Variants in SUCO observed in about 807,000 individuals in gnomAD.
SUCO encodes the protein SUN domain containing ossification factor.
Under a neutral mutation model 148.1 loss-of-function variants are expected in SUCO, and 57 were observed. The ratio of observed to expected loss-of-function variants is 0.38; its 90% confidence interval spans 0.31 to 0.48. The LOEUF is 0.48. SUCO is among the 20% of genes least tolerant of loss of function. The pLI, the probability that SUCO is intolerant of heterozygous loss-of-function variation, is 0.96. For synonymous variants in SUCO, 470 were observed against 502.7 expected, an observed-to-expected ratio of 0.93 and a Z score of 0.87; for missense variants, 1,331 against 1,468.2, an observed-to-expected ratio of 0.91 and a Z score of 1.53.
At position 172,553,261 on chromosome 1, in the gene SUCO, A is replaced by T; in HGVS notation, c.179A>T (p.Asp60Val). 1 of 1,582,970 alleles carries T rather than the reference A, an allele frequency of 6.3e-7. No individual in the cohort carries two copies. Among genetic ancestry groups the T allele is most frequent in the Non-Finnish European group, 8.6e-7 (1 of 1,161,444 alleles). Residue 60 changes from aspartate to valine, a missense_variant and splice_region_variant, in exon 3 of 24, where the codon GAT (aspartate) becomes GTT (valine). Asp to Val is a radical substitution (Grantham distance 152). Transcript: ENST00000263688. ...ENEDVQFQKK[D>V]EREGPINAES... ...ATTTTTGTTGTTGTTGTTATATAGG[A>T]TGAAAGAGAGGGACCTATCAATGCC... is the stretch of plus-strand genomic sequence containing the variant.
Position 172,570,034 on chromosome 1 carries a change from G to T in SUCO, c.857-13G>T. The stretch of plus-strand genomic sequence containing the variant: ...TATATATATAAATATTTATAATAAC[G>T]GTTTGTCTGCAGGTCAGTCGATGCA... On this transcript the variant is annotated splice_polypyrimidine_tract_variant and intron_variant, in intron 7 of 23. Transcript: ENST00000263688. The T allele has an allele frequency of 7.1e-7, 1 of 1,407,438 alleles. No individual in the cohort carries two copies. The highest frequency in any genetic ancestry group is 9.3e-7 in the Non-Finnish European group (1 of 1,073,960). 87.2% of individuals were successfully genotyped at this position (1,407,438 alleles called of 1,614,324 possible).
intron 17 of SUCO, among the ~76,000 whole-genome samples, chr1:172,587,461 T>C (rs1319705952): frequency 6.6e-6 from 1 of 152,102 alleles, no homozygotes; most frequent in Non-Finnish European, 1.5e-5. Context: ...TTTTACCAAA[T>C]TCAATATAAT....
chr1:172,570,630 A>G, intron 8 of SUCO, 33 bp from the exon 9 acceptor site: 1 of 1,349,836 alleles, frequency 7.4e-7, no homozygotes, highest in Admixed American at 1.8e-5. Context: ...TTATTCCTTA[A>G]GTAATTTGTT....
chr1:172,578,776 C>T (rs921546768), intron 14 of SUCO, among the ~76,000 whole-genome samples: 2 of 151,984 alleles, frequency 1.3e-5, no homozygotes, highest in African/African-American at 4.8e-5. Flanking sequence ...TCCTGTGAGC[C>T]ATTGAGAAAT....
Position 172,600,083 on chromosome 1 carries a change from C to T in SUCO, c.2933C>T (p.Ala978Val). ...TCATAGGATCAGCGGCAAACTGAAG[C>T]CATCCAGTTGCTACAGGCACAGCTG... ...AEEQDQRQTE[A>V]IQLLQAQLTN... The change falls in exon 20 of 24, where the codon GCC (alanine) becomes GTC (valine). Residue 978 changes from alanine to valine, a missense_variant. By Grantham distance (64) the Ala-to-Val change is moderately conservative. This residue lies in a region of SUCO where 334 missense variants were observed against 352.3 expected (regional missense o/e 0.95). Transcript: ENST00000263688. The T allele has an allele frequency of 3.1e-6, 5 of 1,604,006 alleles. No individual in the cohort carries two copies. The highest frequency in any genetic ancestry group is 1.1e-5 in the South Asian group (1 of 88,524).
chr1:172,535,482 G>A (rs997160017), intron 1 of SUCO, among the ~76,000 whole-genome samples: 1 of 152,156 alleles, frequency 6.6e-6, no homozygotes, highest in African/African-American at 2.4e-5. Context: ...CAAAGGGTAT[G>A]TTTTTTCTTT....
At chr1:172,551,456 C>G in intron 1 of SUCO, 56 bp from the exon 2 acceptor site, 6 of 1,166,986 alleles carry the variant, frequency 5.1e-6, no homozygotes, top group Non-Finnish European at 7.4e-6. Context: ...AACAACTTTT[C>G]TTCTTTCTTT....
At chr1:172,564,122 T>C (rs2149240525) in intron 6 of SUCO, among the ~76,000 whole-genome samples, 1 of 152,350 alleles carries the variant, frequency 6.6e-6, no homozygotes, top group East Asian at 1.9e-4. Context: ...TGTCTGGATG[T>C]CCAGGCAGAA....
chr1:172,551,484 T>G, intron 1 of SUCO, 28 bp from the exon 2 acceptor site: 7 of 1,352,574 alleles, frequency 5.2e-6, no homozygotes, highest in Non-Finnish European at 7.2e-6. Context: ...TCTTTTTCTG[T>G]TTGTTGGTGG....
intron 7 of SUCO, 171 bp from the exon 8 acceptor site, chr1:172,569,876 G>A (rs1369015126): frequency 3.2e-6 from 1 of 310,804 alleles, no homozygotes; most frequent in East Asian, 1.7e-4. Flanking sequence ...AAGCTATTGA[G>A]GTGGAGCACT....
Position 172,551,730 on chromosome 1 carries a change from T to C in SUCO, c.177+104T>C, listed in dbSNP as rs765219307. On this transcript the variant is annotated intron_variant, in intron 2 of 23. Coordinates refer to ENST00000263688, the MANE Select transcript of SUCO (RefSeq NM_014283.5). ...TTTCAAAAATGCCATGCCATAATTTTTGGTGGAGATTCGTATTTTTCTTTG... is the reference window on the plus strand; with the variant it reads ...TTTCAAAAATGCCATGCCATAATTTCTGGTGGAGATTCGTATTTTTCTTTG... The C allele has an allele frequency of 4.3e-6, 3 of 693,046 alleles. No individual in the cohort carries two copies. The South Asian group carries it at 6.0e-5, about 14-fold the overall frequency. 42.9% of individuals were successfully genotyped at this position (693,046 alleles called of 1,614,324 possible).
chr1:172,544,128 A>C (rs1652696953), intron 1 of SUCO: 1 of 970,884 alleles, frequency 1.0e-6, no homozygotes, highest in African/African-American at 1.8e-5. Context: ...TACAATTTTC[A>C]CTGATAACTT....
chr1:172,604,117 A>G (rs538057931), intron 22 of SUCO, among the ~76,000 whole-genome samples: 5 of 151,950 alleles, frequency 3.3e-5, no homozygotes, highest in Non-Finnish European at 7.4e-5. Flanking sequence ...TATTCTAAAC[A>G]TTCCTTATTT....
At chr1:172,533,658 C>G (rs1458867800) in intron 1 of SUCO, among the ~76,000 whole-genome samples, 161 bp downstream of exon 1, 3 of 152,162 alleles carry the variant, frequency 2.0e-5, no homozygotes, top group African/African-American at 7.2e-5. Flanking sequence ...TCTGACTGGT[C>G]TGGTAGTGCT....
rs189990497 is a variant in SUCO at position 172,550,782 on chromosome 1, T to C, written c.63-730T>C. On this transcript the variant is annotated intron_variant, in intron 1 of 23. Coordinates refer to ENST00000263688, the MANE Select transcript of SUCO (RefSeq NM_014283.5). ...TGTTTCATTATTGATTCTTAAAACA[T>C]TGATGGATGTATAAGTTTATCAGAT... 1.7e-4 allele frequency: 52 copies of C among 305,932 alleles called. No homozygotes were observed. In the Admixed American group the frequency reaches 1.9e-3, roughly 11 times the overall value. 19.0% of individuals were successfully genotyped at this position (305,932 alleles called of 1,614,324 possible). A position where few individuals can be genotyped will look rare whatever the true frequency, so the allele number is the denominator to read the frequency against.
chr1:172,552,050 A>G (rs1653346004), intron 2 of SUCO: 1 of 152,196 alleles, frequency 6.6e-6, no homozygotes, highest in Non-Finnish European at 1.5e-5. Flanking sequence ...ACTCCAAAAA[A>G]CCTCATGGTC....
upstream of SUCO, chr1:172,532,976 C>A: frequency 3.6e-6 from 5 of 1,378,888 alleles, no homozygotes; most frequent in South Asian, 7.6e-5. Context: ...GCGTGGCCTG[C>A]GCAGAGGCTG....
intron 1 of SUCO, among the ~76,000 whole-genome samples, chr1:172,545,990 A>G (rs1458227610): frequency 6.6e-6 from 1 of 151,626 alleles, no homozygotes; most frequent in Non-Finnish European, 1.5e-5. Context: ...GGAGTACAGC[A>G]GCATGATCAC....
At chr1:172,540,834 T>G (rs1191713921) in intron 1 of SUCO, among the ~76,000 whole-genome samples, 3 of 152,162 alleles carry the variant, frequency 2.0e-5, no homozygotes, top group Non-Finnish European at 2.9e-5. Context: ...ATGGAAGAGA[T>G]AATCTAGTTG....
Sources: allele counts gnomAD v4.1 joint callset (sites outside exome capture counted in the v4.1 genomes callset), GRCh38; gene constraint gnomAD v4.1.1; regional missense constraint gnomAD v4.1.1; transcripts MANE v1.5; gene names NCBI Gene and HGNC (gene_info 2026-07-23, HGNC 2026-07-21).